DNAAF11: variants seen among roughly 807,000 people sequenced by gnomAD.
DNAAF11 encodes dynein axonemal assembly factor 11.
A neutral mutation model predicts 60.8 loss-of-function variants in DNAAF11; 45 were observed. That is an observed-to-expected ratio of 0.74 (90% confidence interval 0.58 to 0.95). The LOEUF is 0.95. DNAAF11 is among the 40% of genes least tolerant of loss of function. The probability of loss-of-function intolerance (pLI) is 0.00; values close to 1 mark genes in which losing one functional copy is unlikely to be tolerated. For synonymous variants in DNAAF11, 191 were observed against 183.5 expected (o/e 1.04, Z -0.33); for missense variants, 546 against 546.2 (o/e 1.00, Z 0.00).
chr8:132,660,960 C>T (rs1186577146), intron 2 of DNAAF11, among the ~76,000 whole-genome samples: 1 of 152,190 alleles, frequency 6.6e-6, no homozygotes, highest in Non-Finnish European at 1.5e-5. Context: ...GACCTGATCC[C>T]TGCATTTACC....
At chr8:132,578,028 T>A (rs1377315972) in intron 11 of DNAAF11, among the ~76,000 whole-genome samples, 1 of 152,078 alleles carries the variant, frequency 6.6e-6, no homozygotes, top group Admixed American at 6.5e-5. Context: ...AACACCTTCA[T>A]TATAGTCATT....
intron 7 of DNAAF11, among the ~76,000 whole-genome samples, chr8:132,617,596 T>C (rs868163902): frequency 3.1e-4 from 47 of 152,342 alleles, no homozygotes; most frequent in African/African-American, 9.9e-4. Flanking sequence ...CAAATTTTCC[T>C]AATTGAATAC....
intron 7 of DNAAF11, among the ~76,000 whole-genome samples, chr8:132,617,583 C>T (rs947794090): frequency 1.3e-5 from 2 of 152,190 alleles, no homozygotes; most frequent in African/African-American, 4.8e-5. Context: ...ATCATGTTGT[C>T]TGCAAATTTT....
At chr8:132,676,516 T>C (rs970200968), upstream of DNAAF11, among the ~76,000 whole-genome samples, 2 of 152,206 alleles carry the variant, frequency 1.3e-5, no homozygotes, top group Non-Finnish European at 2.9e-5. Context: ...GTGCTTCTTA[T>C]CTTGATGTGT....
At chr8:132,697,623 GAA>G in the DNAAF11 span, among the ~76,000 whole-genome samples, 341 of 146,988 alleles carry the variant, frequency 2.3e-3, no homozygotes, top group Middle Eastern at 0.017. Flanking sequence ...ATCTCAAAAA[GAA>G]AAAAAAAAAA....
intron 5 of DNAAF11, among the ~76,000 whole-genome samples, chr8:132,627,037 A>T (rs1399813332): frequency 6.6e-6 from 1 of 152,210 alleles, no homozygotes; most frequent in Non-Finnish European, 1.5e-5. Flanking sequence ...GATACAATGC[A>T]ACTAAATATT....
Position 132,615,531 on chromosome 8 carries a change from C to G in DNAAF11, c.915-434G>C, listed in dbSNP as rs943896187. ...TAGAGTCCTGTCTTCCTTCTTTTTT[C>G]TTGCTATCTTTTTTCTTCTCCTTTC... On this transcript the variant is annotated intron_variant, in intron 7 of 11. Transcript: ENST00000620350. Among the ~76,000 whole-genome samples the G allele has an allele frequency of 3.3e-5, 5 of 152,050 alleles. No homozygotes were observed. In the East Asian group the frequency reaches 7.7e-4, roughly 23 times the overall value.
At chr8:132,649,263 G>A (rs1037931569) in intron 3 of DNAAF11, among the ~76,000 whole-genome samples, 1 of 152,148 alleles carries the variant, frequency 6.6e-6, no homozygotes, top group Non-Finnish European at 1.5e-5. Flanking sequence ...AACAAGAAAT[G>A]GGGAAAGGAT....
At chr8:132,617,192 G>C in intron 7 of DNAAF11, among the ~76,000 whole-genome samples, 1 of 152,128 alleles carries the variant, frequency 6.6e-6, no homozygotes, top group East Asian at 1.9e-4. Context: ...ATCGAGTTGG[G>C]AGAAATGTAA....
intron 10 of DNAAF11, among the ~76,000 whole-genome samples, chr8:132,603,861 G>A (rs1413387447): frequency 1.3e-5 from 2 of 152,086 alleles, no homozygotes; most frequent in African/African-American, 4.8e-5. Context: ...CCAAAGGCGG[G>A]GGCGGAGTGG....
chr8:132,649,824 T>A (rs1822815651), intron 3 of DNAAF11, among the ~76,000 whole-genome samples: 1 of 152,130 alleles, frequency 6.6e-6, no homozygotes, highest in South Asian at 2.1e-4. Flanking sequence ...TGAGATACCA[T>A]CTCAAACCAG....
At chr8:132,694,854 G>C in the DNAAF11 span, among the ~76,000 whole-genome samples, 1,083 of 152,246 alleles carry the variant, frequency 7.1e-3, 4 homozygotes, top group Non-Finnish European at 0.012. Context: ...GAGTATGGAT[G>C]GCACCACTCT....
intron 10 of DNAAF11, among the ~76,000 whole-genome samples, chr8:132,590,551 T>G (rs1014969792): frequency 3.9e-5 from 6 of 152,250 alleles, no homozygotes; most frequent in Non-Finnish European, 5.9e-5. Flanking sequence ...TACATTTTGA[T>G]ACTCAAGTGT....
intron 8 of DNAAF11, among the ~76,000 whole-genome samples, chr8:132,613,488 A>G (rs1280946642): frequency 6.6e-6 from 1 of 152,250 alleles, no homozygotes; most frequent in Non-Finnish European, 1.5e-5. Flanking sequence ...GCAAATCTAT[A>G]GAGACAGAAA....
At chr8:132,589,910 G>T (rs1816285850) in intron 10 of DNAAF11, among the ~76,000 whole-genome samples, 1 of 152,164 alleles carries the variant, frequency 6.6e-6, no homozygotes, top group Non-Finnish European at 1.5e-5. Flanking sequence ...GATCATGAAA[G>T]TTAACATGAA....
rs1491214082 is a variant in DNAAF11 at position 132,602,768 on chromosome 8, T to TATAC, written c.1140+7397_1140+7398insGTAT. Among the ~76,000 whole-genome samples, 34 of 146,720 alleles carry TATAC rather than the reference T, an allele frequency of 2.3e-4. 1 individual carries two copies. In the South Asian group the frequency reaches 7.4e-3, roughly 32 times the overall value. ...AAATATATATATATATATATATATATACACACAGCACACATACATACATAT... is the reference window on the plus strand; with the variant it reads ...AAATATATATATATATATATATATATATACACACACAGCACACATACATACATAT... On this transcript the variant is annotated intron_variant, in intron 10 of 11. Coordinates refer to ENST00000620350, the MANE Select transcript of DNAAF11 (RefSeq NM_012472.6).
intron 11 of DNAAF11, chr8:132,578,356 C>T: frequency 9.9e-7 from 1 of 1,007,882 alleles, no homozygotes; most frequent in Non-Finnish European, 1.4e-6. Context: ...AAGCCTGGGG[C>T]ACTTGAAGAT....
At chr8:132,668,799 C>T (rs761967930) in intron 1 of DNAAF11, among the ~76,000 whole-genome samples, 4 of 152,150 alleles carry the variant, frequency 2.6e-5, no homozygotes, top group Non-Finnish European at 5.9e-5. Flanking sequence ...GAAAGGGCAC[C>T]TTAGGCCATC....
At chr8:132,675,720 C>G (rs557514607), upstream of DNAAF11, 50 of 424,804 alleles carry the variant, frequency 1.2e-4, no homozygotes, top group African/African-American at 9.0e-4. Flanking sequence ...GTTCCCCAAC[C>G]CAAACCCAGT....
Sources: gnomAD v4.1 joint callset for allele counts (sites outside exome capture counted in the v4.1 genomes callset) on GRCh38, gnomAD v4.1.1 for gene constraint, MANE v1.5 for transcripts, NCBI Gene and HGNC (gene_info 2026-07-23, HGNC 2026-07-21) for gene names.